The following SLC14A2 variants were observed in gnomAD, a reference collection of about 807,000 sequenced individuals.
SLC14A2 encodes the protein urea transporter 2.
Under a neutral mutation model 104.6 loss-of-function variants are expected in SLC14A2, and 91 were observed. That is an observed-to-expected ratio of 0.87 (90% confidence interval 0.73 to 1.04). SLC14A2 has a LOEUF of 1.04. Ranked by LOEUF, SLC14A2 falls within the 50% of genes least tolerant of loss-of-function variation. The pLI is 0.00. For synonymous variants in SLC14A2, 476 were observed against 466.4 expected (o/e 1.02, Z -0.27); for missense variants, 1,189 against 1,156.0 (o/e 1.03, Z -0.41).
intron 2 of SLC14A2, among the ~76,000 whole-genome samples, chr18:45,593,995 C>A (rs978688737): frequency 2.0e-5 from 3 of 152,172 alleles, no homozygotes; most frequent in African/African-American, 7.2e-5. Context: ...GTGGAGAGGC[C>A]AGTGGGTAAC....
chr18:45,174,144 C>T, the SLC14A2 span, among the ~76,000 whole-genome samples: 2 of 152,044 alleles, frequency 1.3e-5, no homozygotes, highest in African/African-American at 4.8e-5. Context: ...TATTTTAAAG[C>T]ACAGGGCAGA....
At chr18:45,316,090 A>T (rs1012566628) in intron 1 of SLC14A2, among the ~76,000 whole-genome samples, 39 of 152,256 alleles carry the variant, frequency 2.6e-4, no homozygotes, top group African/African-American at 9.1e-4. Flanking sequence ...CCCACACCCT[A>T]TGCCATTTGT....
intron 1 of SLC14A2, among the ~76,000 whole-genome samples, chr18:45,474,110 G>A (rs953819138): frequency 6.6e-6 from 1 of 152,088 alleles, no homozygotes; most frequent in South Asian, 2.1e-4. Flanking sequence ...TTTATTGAAG[G>A]CCTTTTCTGC....
Position 45,538,399 on chromosome 18 carries a change from C to T in SLC14A2, c.-35+55077C>T, listed in dbSNP as rs190066133. Among the ~76,000 whole-genome samples the T allele has an allele frequency of 1.2e-3, 178 of 152,280 alleles. 1 individual carries two copies. The highest frequency in any genetic ancestry group is 1.7e-3 in the Non-Finnish European group (113 of 68,022). On this transcript the variant is annotated intron_variant, in intron 2 of 20. Coordinates refer to the SLC14A2 transcript ENST00000586448. ...TTGCTGGCTCTGGCTTAGAGTCTTT[C>T]GTGAGGTTTCAGTTAAGCTATTATC...
the SLC14A2 span, among the ~76,000 whole-genome samples, chr18:45,207,035 T>C: frequency 6.6e-6 from 1 of 152,184 alleles, no homozygotes; most frequent in Non-Finnish European, 1.5e-5. Context: ...TAGTAGATAA[T>C]GTATTAACTA....
At chr18:45,435,657 T>G (rs1322953433) in intron 1 of SLC14A2, among the ~76,000 whole-genome samples, 1 of 152,000 alleles carries the variant, frequency 6.6e-6, no homozygotes, top group Admixed American at 6.6e-5. Context: ...GGACATAAAC[T>G]CCAAAAATAC....
chr18:45,673,331 T>C (rs2046172924), intron 17 of SLC14A2, among the ~76,000 whole-genome samples: 1 of 152,226 alleles, frequency 6.6e-6, no homozygotes, highest in Admixed American at 6.5e-5. Context: ...TGATCTGCAA[T>C]GACAGCAAGA....
intron 2 of SLC14A2, among the ~76,000 whole-genome samples, chr18:45,504,006 A>G (rs948193900): frequency 6.6e-6 from 1 of 152,132 alleles, no homozygotes; most frequent in Admixed American, 6.5e-5. Flanking sequence ...TTTCTCTCTG[A>G]TCTTGCTCTT....
chr18:45,452,451 T>C lies in SLC14A2; in HGVS notation c.-124-30782T>C, dbSNP rs184033476. On this transcript the variant is annotated intron_variant, in intron 1 of 20. Coordinates refer to the SLC14A2 transcript ENST00000586448. ...GTTTGTGTGTGAGTGAGATGGAATT[T>C]AGTATTTCTTACTGGGTACGTGACA... Among the ~76,000 whole-genome samples, 437 of 152,344 alleles carry C rather than the reference T, an allele frequency of 2.9e-3. 2 individuals are homozygous for C. Among genetic ancestry groups the C allele is most frequent in the Middle Eastern group, 0.014 (4 of 294 alleles).
intron 2 of SLC14A2, 128 bp downstream of exon 2, chr18:45,624,942 G>T: frequency 1.1e-6 from 1 of 912,440 alleles, no homozygotes; most frequent in East Asian, 2.6e-5. Context: ...TCAGTACATG[G>T]TGACACCCAT....
At chr18:45,510,002 G>A (rs142136614) in intron 2 of SLC14A2, among the ~76,000 whole-genome samples, 2 of 152,024 alleles carry the variant, frequency 1.3e-5, no homozygotes, top group Non-Finnish European at 2.9e-5. Flanking sequence ...CCTACCCCCT[G>A]TTAGGGGCAG....
chr18:45,404,149 C>T (rs558245942), intron 1 of SLC14A2, among the ~76,000 whole-genome samples: 33 of 152,326 alleles, frequency 2.2e-4, no homozygotes, highest in African/African-American at 7.9e-4. Context: ...CATTGCTTTC[C>T]ATCTGAACCT....
At chr18:45,474,320 A>T (rs1200313912) in intron 1 of SLC14A2, among the ~76,000 whole-genome samples, 1 of 152,052 alleles carries the variant, frequency 6.6e-6, no homozygotes, top group Non-Finnish European at 1.5e-5. Flanking sequence ...TTCATCAGGG[A>T]TATTGGCCAG....
intron 2 of SLC14A2, among the ~76,000 whole-genome samples, chr18:45,544,794 T>C (rs1301665442): frequency 6.9e-6 from 1 of 145,622 alleles, no homozygotes; most frequent in Non-Finnish European, 1.5e-5. Flanking sequence ...GTCTTTTTTT[T>C]TTTTTTTTTT....
intron 1 of SLC14A2, among the ~76,000 whole-genome samples, chr18:45,454,755 T>A (rs551467363): frequency 1.4e-4 from 22 of 152,346 alleles, no homozygotes; most frequent in African/African-American, 5.1e-4. Flanking sequence ...ATTTATTAAA[T>A]AGGGAATCCT....
chr18:45,679,361 G>A (rs557705532), intron 19 of SLC14A2, among the ~76,000 whole-genome samples: 1 of 152,316 alleles, frequency 6.6e-6, no homozygotes, highest in South Asian at 2.1e-4. Flanking sequence ...TGCCTGCCTA[G>A]CTAGCTTGTG....
chr18:45,177,916 AT>A, the SLC14A2 span, among the ~76,000 whole-genome samples: 1 of 152,208 alleles, frequency 6.6e-6, no homozygotes, highest in Non-Finnish European at 1.5e-5. Context: ...GTACCATGAT[AT>A]CCCCAGGTTT....
chr18:45,463,619 G>C (rs1475945323), intron 1 of SLC14A2, among the ~76,000 whole-genome samples: 4 of 152,190 alleles, frequency 2.6e-5, no homozygotes, highest in Admixed American at 2.6e-4. Context: ...TCATCTTTTT[G>C]TGTGTGTGCA....
intron 10 of SLC14A2, among the ~76,000 whole-genome samples, chr18:45,650,163 T>C (rs1416733918): frequency 1.4e-4 from 3 of 21,444 alleles, no homozygotes; most frequent in African/African-American, 5.2e-4. Flanking sequence ...ATTCCTTCCA[T>C]TTGACCTTCC....
Sources: allele counts gnomAD v4.1 joint callset (sites outside exome capture counted in the v4.1 genomes callset), GRCh38; gene constraint gnomAD v4.1.1; transcripts MANE v1.5; gene names NCBI Gene and HGNC (gene_info 2026-07-23, HGNC 2026-07-21).